Variants in UBE2E3 observed in about 807,000 individuals in gnomAD.
The protein encoded by UBE2E3 is ubiquitin-conjugating enzyme E2 E3.
A neutral mutation model predicts 23.6 loss-of-function variants in UBE2E3; 5 were observed. That is an observed-to-expected ratio of 0.21 (90% CI 0.11 to 0.44). The LOEUF (loss-of-function observed/expected upper bound fraction) is 0.44, where lower values mean the gene tolerates loss of function less well. Among genes scored for constraint, UBE2E3 ranks in the 20% least tolerant of loss-of-function variants. The pLI is 0.99. For missense variants in UBE2E3, 81 were observed against 249.8 expected (o/e 0.32, Z 4.55); for synonymous variants, 78 against 87.5 (o/e 0.89, Z 0.60).
At chr2:181,062,544 A>G (rs986111090) in intron 5 of UBE2E3, among the ~76,000 whole-genome samples, 1 of 150,878 alleles carries the variant, frequency 6.6e-6, no homozygotes, top group African/African-American at 2.4e-5. Flanking sequence ...TATCTTTTAT[A>G]AAAGTCAAAT....
chr2:181,057,938 G>T, intron 4 of UBE2E3, 113 bp downstream of exon 4: 1 of 1,119,606 alleles, frequency 8.9e-7, no homozygotes, highest in Non-Finnish European at 1.2e-6. Context: ...GCTTTTCATG[G>T]ATTGATATGG....
chr2:181,030,286 G>C (rs1372801560), intron 3 of UBE2E3, among the ~76,000 whole-genome samples: 1 of 151,704 alleles, frequency 6.6e-6, no homozygotes, highest in Admixed American at 6.6e-5. Flanking sequence ...ATGATAAATT[G>C]AATATGTATA....
chr2:181,030,012 T>A (rs774173761), intron 3 of UBE2E3, among the ~76,000 whole-genome samples: 18 of 151,992 alleles, frequency 1.2e-4, no homozygotes, highest in Non-Finnish European at 1.5e-5. Context: ...TTTTGTATTT[T>A]TAGTAGAGAC....
intron 3 of UBE2E3, among the ~76,000 whole-genome samples, chr2:181,016,686 A>G (rs1057464860): frequency 1.3e-5 from 2 of 152,200 alleles, no homozygotes; most frequent in African/African-American, 2.4e-5. Flanking sequence ...AGCTTTAACA[A>G]CTGTCGCCCT....
intron 5 of UBE2E3, among the ~76,000 whole-genome samples, chr2:181,061,956 CGTTTAAAAAGAATGTGACAACTCTATAT>C (rs1309803632): frequency 6.6e-6 from 1 of 151,208 alleles, no homozygotes; most frequent in African/African-American, 2.4e-5. Flanking sequence ...ATAGATGTAA[CGTTTAAAAAGAATGTGACAACTCTATAT>C]GAACTAATAG....
At chr2:181,014,583 A>G (rs1685431016) in intron 3 of UBE2E3, among the ~76,000 whole-genome samples, 1 of 152,178 alleles carries the variant, frequency 6.6e-6, no homozygotes, top group South Asian at 2.1e-4. Flanking sequence ...TTGGAAGAAA[A>G]CAAAGAGGTT....
chr2:180,996,538 T>C (rs541395115), intron 3 of UBE2E3, among the ~76,000 whole-genome samples: 1 of 152,316 alleles, frequency 6.6e-6, no homozygotes, highest in Admixed American at 6.5e-5. Flanking sequence ...ATCTTGGTTA[T>C]TTTTGACTGG....
intron 3 of UBE2E3, among the ~76,000 whole-genome samples, chr2:181,026,248 C>A (rs959519818): frequency 1.3e-5 from 2 of 151,678 alleles, no homozygotes; most frequent in East Asian, 3.8e-4. Flanking sequence ...AACAGAAAAA[C>A]CAGTTGTTTA....
chr2:181,000,815 A>C (rs1234602757), intron 3 of UBE2E3, among the ~76,000 whole-genome samples: 1 of 152,198 alleles, frequency 6.6e-6, no homozygotes, highest in Non-Finnish European at 1.5e-5. Flanking sequence ...CGGGCTTCCA[A>C]AGTGAGAGTA....
At chr2:180,991,619 T>C (rs558993849) in intron 3 of UBE2E3, among the ~76,000 whole-genome samples, 51 of 152,354 alleles carry the variant, frequency 3.3e-4, no homozygotes, top group African/African-American at 1.2e-3. Context: ...TCATAAACTT[T>C]CTTAAAACAT....
At chr2:180,989,852 T>A (rs1214552022) in intron 3 of UBE2E3, 4 of 1,532,750 alleles carry the variant, frequency 2.6e-6, no homozygotes, top group Non-Finnish European at 3.5e-6. Context: ...TGAGTTGCTG[T>A]AACAACAGAT....
rs187653402 is a variant in UBE2E3, at chr2:180,989,833, C to T, written c.245+5740C>T. Reference sequence around the variant, plus strand: ...TCATAACCAATTAGTACTTTATGCTCTCCTTAAATGAGTTGCTGTAACAAC... The same window carrying T: ...TCATAACCAATTAGTACTTTATGCTTTCCTTAAATGAGTTGCTGTAACAAC... On this transcript the variant is annotated intron_variant, in intron 3 of 5. Coordinates refer to ENST00000410062, the MANE Select transcript of UBE2E3 (RefSeq NM_006357.4). 1.6e-3 allele frequency: 2,461 copies of T among 1,510,220 alleles called. 30 individuals are homozygous for T. Among genetic ancestry groups the T allele is most frequent in the East Asian group, 4.3e-3 (171 of 40,188 alleles). The allele number at this position is 1,510,220 out of a possible 1,614,324, so 93.6% of individuals were successfully genotyped here. A position where few individuals can be genotyped will look rare whatever the true frequency, so the allele number is the denominator to read the frequency against.
chr2:181,007,958 G>T (rs1037805928), intron 3 of UBE2E3, among the ~76,000 whole-genome samples: 2 of 152,182 alleles, frequency 1.3e-5, no homozygotes, highest in Non-Finnish European at 2.9e-5. Flanking sequence ...GGAAAAGTTT[G>T]TTAATCCTTA....
intron 5 of UBE2E3, among the ~76,000 whole-genome samples, chr2:181,061,666 A>G (rs1200442084): frequency 1.3e-5 from 2 of 151,688 alleles, no homozygotes; most frequent in African/African-American, 2.4e-5. Flanking sequence ...TGTATAATTC[A>G]TAACTTTAAA....
intron 3 of UBE2E3, among the ~76,000 whole-genome samples, chr2:181,037,607 A>C (rs900767221): frequency 6.6e-6 from 1 of 152,118 alleles, no homozygotes; most frequent in South Asian, 2.1e-4. Context: ...ACAGCTATAC[A>C]CTGTGTTTGT....
chr2:181,000,721 A>G (rs1194671872), intron 3 of UBE2E3, among the ~76,000 whole-genome samples: 1 of 151,834 alleles, frequency 6.6e-6, no homozygotes, highest in East Asian at 1.9e-4. Context: ...CACCTGACTA[A>G]TTTTTTGTAT....
intron 3 of UBE2E3, among the ~76,000 whole-genome samples, chr2:181,003,871 A>G (rs1450536837): frequency 6.6e-6 from 1 of 152,178 alleles, no homozygotes; most frequent in African/African-American, 2.4e-5. Flanking sequence ...TATTGTTGAT[A>G]TTTCTGCATT....
In UBE2E3 at chr2:180,980,698, C is replaced by T. The variant is rs1250419365; in HGVS notation, c.-301C>T. On this transcript the variant is annotated 5_prime_UTR_variant, in exon 1 of 6. Coordinates refer to ENST00000410062, the MANE Select transcript of UBE2E3 (RefSeq NM_006357.4). This position sits in a 1 kb window ranked among gnomAD's most constrained non-coding sequence, Gnocchi z 5.5. ...GGGGTCTCCCGCGTCCCCTCCGCCT[C>T]GCCGGGAGCTCGCGCCCTCGCCCAG... 1 of 148,576 alleles carries T rather than the reference C, an allele frequency of 6.7e-6. No individual in the cohort carries two copies. Among genetic ancestry groups the T allele is most frequent in the African/African-American group, 2.4e-5 (1 of 40,846 alleles). The allele number at this position is 148,576 out of a possible 1,614,324, so 9.2% of individuals were successfully genotyped here. A position where few individuals can be genotyped will look rare whatever the true frequency, so the allele number is the denominator to read the frequency against.
At chr2:180,986,849 T>G (rs1684486548) in intron 3 of UBE2E3, among the ~76,000 whole-genome samples, 1 of 152,086 alleles carries the variant, frequency 6.6e-6, no homozygotes, top group East Asian at 1.9e-4. Flanking sequence ...ACAAGAAAAC[T>G]CAGCAAAACC....
Sources: allele counts gnomAD v4.1 joint callset (sites outside exome capture counted in the v4.1 genomes callset), GRCh38; gene constraint gnomAD v4.1.1; non-coding constraint Gnocchi (gnomAD v3.1); transcripts MANE v1.5; gene names NCBI Gene and HGNC (gene_info 2026-07-23, HGNC 2026-07-21).